MAN2A2: variants seen among roughly 807,000 people sequenced by gnomAD.
MAN2A2 encodes alpha-mannosidase 2x.
In MAN2A2, 79 loss-of-function variants were observed where a neutral mutation model predicts 126.8. The ratio of observed to expected loss-of-function variants is 0.62; its 90% confidence interval spans 0.52 to 0.75. The LOEUF (loss-of-function observed/expected upper bound fraction) is 0.75. MAN2A2 is among the 30% of genes least tolerant of loss of function. MAN2A2 has a pLI of 0.00. For synonymous variants in MAN2A2, 671 were observed against 618.7 expected, an observed-to-expected ratio of 1.08 and a Z score of -1.25; for missense variants, 1,392 against 1,522.4, an observed-to-expected ratio of 0.91 and a Z score of 1.43.
intron 2 of MAN2A2, among the ~76,000 whole-genome samples, 182 bp downstream of exon 2, chr15:90,904,521 A>G (rs1157063533): frequency 1.8e-5 from 2 of 108,764 alleles, no homozygotes; most frequent in African/African-American, 1.0e-4. Flanking sequence ...AGTGATGGCG[A>G]AAAGAAGGAA....
rs1438967685 is a variant in MAN2A2, at chr15:90,909,388, C to T, written c.1258C>T (p.Leu420=). The T allele has an allele frequency of 1.2e-6, 2 of 1,614,114 alleles. No individual in the cohort carries two copies. Among genetic ancestry groups the T allele is most frequent in the South Asian group, 1.1e-5 (1 of 91,082 alleles). ...CCAGCTGTTCCGAAGCAACGTCCTC[C>T]TGGTGCCTCTTGGAGATGACTTCCG... is the stretch of plus-strand genomic sequence containing the variant. ...KSQLFRSNVL[L]VPLGDDFRYD... Residue 420 remains leucine (L), a synonymous_variant, in exon 9 of 23, where the codon CTG becomes TTG. Coordinates refer to ENST00000559717, the MANE Select transcript of MAN2A2 (RefSeq NM_006122.4).
chr15:90,906,547 AGGCAGGGGCTGTAAGGCACAGGGATC>A lies in MAN2A2; in HGVS notation c.835+59_835+84del, dbSNP rs763926806. On this transcript the variant is annotated intron_variant, in intron 6 of 22. Transcript: ENST00000559717. ...GTCTGCCCCCTGGGCTGTAAGGCAC[AGGCAGGGGCTGTAAGGCACAGGGATC>A]GGCAGGGGGTGGTTCCTTTCTAGGC... is the stretch of plus-strand genomic sequence containing the variant. 6.8e-6 allele frequency: 11 copies of A among 1,613,368 alleles called. 1 individual carries two copies. In the South Asian group the frequency reaches 1.1e-4, roughly 16 times the overall value.
rs759729607 is a variant in MAN2A2 at position 90,919,776 on chromosome 15, C to T, written c.3442C>T (p.Arg1148Cys). ...CATGGAGATTGCTACCTTTCGCCTC[C>T]GCTTGGGTTAGGGCTTCTTGTGGCC... is the stretch of plus-strand genomic sequence containing the variant. ...EPMEIATFRL[R>C]LG The change falls in exon 23 of 23, where the codon CGC becomes TGC. Residue 1148 changes from arginine (R) to cysteine (C), a missense_variant. Physicochemically the swap from Arg to Cys is radical, Grantham distance 180 (BLOSUM62 -3). Coordinates refer to ENST00000559717, the MANE Select transcript of MAN2A2 (RefSeq NM_006122.4). 1.7e-5 allele frequency: 28 copies of T among 1,614,020 alleles called. No individual in the cohort carries two copies. The highest frequency in any genetic ancestry group is 5.0e-5 in the Admixed American group (3 of 60,008).
chr15:90,918,545 C>A, intron 21 of MAN2A2, 100 bp from the exon 22 acceptor site: 1 of 1,194,040 alleles, frequency 8.4e-7, no homozygotes, highest in Non-Finnish European at 1.2e-6. Flanking sequence ...CTTACCCACA[C>A]GCCTCCCTGT....
Position 90,906,799 on chromosome 15 carries a change from TA to T in MAN2A2, c.896del (p.Tyr299SerfsTer12), listed in dbSNP as rs753758375. 1 of 1,613,900 alleles carries T rather than the reference TA, an allele frequency of 6.2e-7. No individual in the cohort carries two copies. Among genetic ancestry groups the T allele is most frequent in the Non-Finnish European group, 8.5e-7 (1 of 1,179,964 alleles). ...CTTTGGATACAGCTCCACCATGCCTTACCTGCTGCGCCGTGCCAACCTCACC... is the reference window on the plus strand; with the variant it reads ...CTTTGGATACAGCTCCACCATGCCTTCCTGCTGCGCCGTGCCAACCTCACC... The part of the protein sequence containing the change: ...DPFGYSSTMP[Y>X]LLRRANLTSM... On this transcript the variant is annotated frameshift_variant, in exon 7 of 23. Transcript: ENST00000559717. LOFTEE classifies it high-confidence loss of function.
chr15:90,913,468 CCT>C (rs2034929643), intron 18 of MAN2A2, 62 bp downstream of exon 18: 3 of 1,578,818 alleles, frequency 1.9e-6, no homozygotes, highest in South Asian at 2.2e-5. Flanking sequence ...TGCTTTTGCC[CCT>C]GTCACAGGCC....
At position 90,913,750 on chromosome 15, in the gene MAN2A2, A is replaced by C; in HGVS notation, c.2855A>C (p.Lys952Thr). The C allele has an allele frequency of 6.3e-7, 1 of 1,592,932 alleles. No homozygotes were observed. The highest frequency in any genetic ancestry group is 8.6e-7 in the Non-Finnish European group (1 of 1,168,664). The change falls in exon 19 of 23, where the codon AAA (lysine) becomes ACA (threonine). Residue 952 changes from lysine to threonine, a missense_variant. Lys to Thr is a moderately conservative substitution (Grantham distance 78, BLOSUM62 -1). Coordinates refer to ENST00000559717, the MANE Select transcript of MAN2A2 (RefSeq NM_006122.4). ...CAGGCCCTGGGTGTCTCTAGCCTCA[A>C]AGATGGTGAGTAGGGCCCAGGAGTT... is the stretch of plus-strand genomic sequence containing the variant. Reference protein sequence around the residue: ...TAQALGVSSLKDGQLEVILDR... With the variant: ...TAQALGVSSLTDGQLEVILDR...
In MAN2A2 at chr15:90,912,580, G is replaced by T; in HGVS notation, c.2385G>T (p.Val795=). The change falls in exon 16 of 23, where the codon GTG becomes GTT. Residue 795 remains valine, a synonymous_variant. Transcript: ENST00000559717. ...RRVDEEHEQQ[V]DMQVLVYGTR... ...TGGATGAGGAGCACGAGCAGCAGGT[G>T]GACATGCAGGTCCTTGTCTATGGCA... 1 of 1,614,142 alleles carries T rather than the reference G, an allele frequency of 6.2e-7. No individual in the cohort carries two copies. Among genetic ancestry groups the T allele is most frequent in the Non-Finnish European group, 8.5e-7 (1 of 1,180,018 alleles).
chr15:90,913,557 C>G, intron 18 of MAN2A2, 57 bp from the exon 19 acceptor site: 2 of 1,574,568 alleles, frequency 1.3e-6, no homozygotes, highest in Non-Finnish European at 8.6e-7. Flanking sequence ...AGTCTGGGGA[C>G]CGCTTGGGCC....
Position 90,905,284 on chromosome 15 carries a change from C to T in MAN2A2, c.166C>T (p.Gln56Ter). 1.2e-6 allele frequency: 2 copies of T among 1,613,586 alleles called. No individual in the cohort carries two copies. The highest frequency in any genetic ancestry group is 1.7e-6 in the Non-Finnish European group (2 of 1,180,030). Residue 56 changes from glutamine to a stop codon, truncating the protein, a stop_gained, in exon 3 of 23, where the codon CAG becomes TAG. Transcript: ENST00000559717. LOFTEE classifies it high-confidence loss of function. Reference protein sequence around the residue: ...QISVLQNRIEQLEQLLEENHE... With the variant: ...QISVLQNRIE ...TTCTGTGCTGCAGAACCGCATTGAGCAGCTGGAGCAGCTTTTGGAGGAGAA... is the reference window on the plus strand; with the variant it reads ...TTCTGTGCTGCAGAACCGCATTGAGTAGCTGGAGCAGCTTTTGGAGGAGAA...
chr15:90,906,258 G>A, intron 5 of MAN2A2, 112 bp from the exon 6 acceptor site: 1 of 1,443,738 alleles, frequency 6.9e-7, no homozygotes, highest in Admixed American at 2.0e-5. Flanking sequence ...TTGGTCCTGG[G>A]ATTGGGAGAA....
In MAN2A2 at chr15:90,910,945, C is replaced by T. The variant is rs75662088; in HGVS notation, c.1859C>T (p.Ala620Val). 4.7e-3 allele frequency: 7,587 copies of T among 1,613,764 alleles called. 325 individuals carry two copies. The African/African-American group carries it at 0.089, about 19-fold the overall frequency. ...DKETYHFDPE[A>V]PFLQVDDTRL... is the part of the protein sequence containing the mutation. ...GAGACCTACCACTTTGACCCTGAGGCGCCCTTCCTCCAAGTGGTGAGCCCC... is the reference window on the plus strand; with the variant it reads ...GAGACCTACCACTTTGACCCTGAGGTGCCCTTCCTCCAAGTGGTGAGCCCC... The change falls in exon 12 of 23, where the codon GCG becomes GTG. Residue 620 changes from alanine to valine, a missense_variant. Ala to Val is a moderately conservative substitution (Grantham distance 64). Transcript: ENST00000559717.
At chr15:90,918,906 TC>T in intron 22 of MAN2A2, 151 bp downstream of exon 22, 3 of 632,976 alleles carry the variant, frequency 4.7e-6, no homozygotes, top group Non-Finnish European at 8.3e-6. Context: ...TTTTCAGAGC[TC>T]CGGAGGCCTG....
rs780279283 is a variant in MAN2A2 at position 90,910,946 on chromosome 15, G to A, written c.1860G>A (p.Ala620=). 1.7e-5 allele frequency: 28 copies of A among 1,613,708 alleles called. No individual in the cohort carries two copies. The highest frequency in any genetic ancestry group is 6.7e-5 in the Admixed American group (4 of 59,996). The change falls in exon 12 of 23, where the codon GCG becomes GCA. Residue 620 remains alanine (A), a synonymous_variant. Coordinates refer to ENST00000559717, the MANE Select transcript of MAN2A2 (RefSeq NM_006122.4). ...DKETYHFDPE[A]PFLQVDDTRL... is the part of the protein sequence containing the mutation. Reference sequence around the variant, plus strand: ...AGACCTACCACTTTGACCCTGAGGCGCCCTTCCTCCAAGTGGTGAGCCCCT... The same window carrying A: ...AGACCTACCACTTTGACCCTGAGGCACCCTTCCTCCAAGTGGTGAGCCCCT...
intron 19 of MAN2A2, among the ~76,000 whole-genome samples, chr15:90,915,728 C>T (rs935460150): frequency 1.3e-5 from 2 of 152,226 alleles, no homozygotes; most frequent in African/African-American, 2.4e-5. Context: ...CCCCAGATTA[C>T]GGAGGTGTGC....
intron 7 of MAN2A2, 48 bp from the exon 8 acceptor site, chr15:90,907,261 G>A (rs536888329): frequency 9.5e-6 from 15 of 1,571,328 alleles, no homozygotes; most frequent in East Asian, 2.2e-5. Context: ...CCCCCCTGGC[G>A]TCCAGAGGCT....
rs1420493425 is a variant in MAN2A2 at position 90,918,655 on chromosome 15, T to G, written c.3200T>G (p.Leu1067Arg). Reference sequence around the variant, plus strand: ...CTGTCTGTCATCCAGGAGGACACCCTACCCTCGGCGGAGACCGCACTCATC... The same window carrying G: ...CTGTCTGTCATCCAGGAGGACACCCGACCCTCGGCGGAGACCGCACTCATC... ...LRTLQAEEDTLPSAETALILH... is the reference protein window; with the variant it reads ...LRTLQAEEDTRPSAETALILH... Residue 1067 changes from leucine (L) to arginine (R), a missense_variant, in exon 22 of 23, where the codon CTA (leucine) becomes CGA (arginine). Leu to Arg is a moderately radical substitution (Grantham distance 102, BLOSUM62 -2). Transcript: ENST00000559717. 6.6e-7 allele frequency: 1 copy of G among 1,518,046 alleles called. No homozygotes were observed. Among genetic ancestry groups the G allele is most frequent in the African/African-American group, 1.4e-5 (1 of 72,700 alleles). The allele number at this position is 1,518,046 out of a possible 1,614,324, so 94.0% of individuals were successfully genotyped here.
At chr15:90,915,972 C>T (rs534064761) in intron 19 of MAN2A2, 151 bp from the exon 20 acceptor site, 17 of 751,582 alleles carry the variant, frequency 2.3e-5, no homozygotes, top group South Asian at 3.9e-5. Context: ...CCCTCCCAGC[C>T]GTGGGAACCC....
Position 90,910,112 on chromosome 15 carries a change from A to G in MAN2A2, c.1397A>G (p.Asp466Gly), listed in dbSNP as rs1406151902. 2 of 1,612,902 alleles carry G rather than the reference A, an allele frequency of 1.2e-6. No homozygotes were observed. The highest frequency in any genetic ancestry group is 3.3e-5 in the Admixed American group (2 of 59,948). ...CAGGCCCAGTTTGGCACTCTTTCTG[A>G]CTATTTTGATGCCCTGTACAAGAGG... ...HVQAQFGTLSDYFDALYKRTG... is the reference protein window; with the variant it reads ...HVQAQFGTLSGYFDALYKRTG... The change falls in exon 10 of 23, where the codon GAC becomes GGC. Residue 466 changes from aspartate to glycine, a missense_variant. Asp to Gly is a moderately conservative substitution (Grantham distance 94, BLOSUM62 -1). Coordinates refer to ENST00000559717, the MANE Select transcript of MAN2A2 (RefSeq NM_006122.4).
Sources: gnomAD v4.1 joint callset for allele counts (sites outside exome capture counted in the v4.1 genomes callset) on GRCh38, gnomAD v4.1.1 for gene constraint, MANE v1.5 for transcripts, NCBI Gene and HGNC (gene_info 2026-07-23, HGNC 2026-07-21) for gene names.